IMMP2L: variants seen among roughly 807,000 people sequenced by gnomAD.
The protein encoded by IMMP2L is inner mitochondrial membrane peptidase subunit 2.
In IMMP2L, 18 loss-of-function variants were observed where a neutral mutation model predicts 19.3. The ratio of observed to expected loss-of-function variants is 0.93; its 90% CI spans 0.64 to 1.38. The LOEUF is 1.38. Among genes scored for constraint, IMMP2L ranks in the 40% most tolerant of loss-of-function variants. The pLI, the probability that IMMP2L is intolerant of heterozygous loss-of-function variation, is 0.00. For missense variants in IMMP2L, 233 were observed against 218.2 expected (o/e 1.07, Z -0.43); for synonymous variants, 76 against 73.0 (o/e 1.04, Z -0.21).
intron 4 of IMMP2L, among the ~76,000 whole-genome samples, chr7:110,917,757 T>C (rs1813781501): frequency 6.6e-6 from 1 of 152,194 alleles, no homozygotes; most frequent in African/African-American, 2.4e-5. Flanking sequence ...CATGTTAATG[T>C]ATTATCTACT....
chr7:111,229,709 G>A (rs535315700), intron 3 of IMMP2L, among the ~76,000 whole-genome samples: 94 of 152,006 alleles, frequency 6.2e-4, no homozygotes, highest in African/African-American at 2.0e-3. Context: ...AGGAATTATC[G>A]TATATATTAA....
intron 3 of IMMP2L, among the ~76,000 whole-genome samples, chr7:111,088,398 T>C (rs1394298990): frequency 6.6e-6 from 1 of 152,008 alleles, no homozygotes. Flanking sequence ...AATACTGTGG[T>C]TTACAATGTG....
intron 4 of IMMP2L, among the ~76,000 whole-genome samples, chr7:110,954,564 T>A (rs1253674279): frequency 6.6e-6 from 1 of 152,044 alleles, no homozygotes; most frequent in Non-Finnish European, 1.5e-5. Flanking sequence ...ATCCATTATT[T>A]CATATAATTC....
intron 5 of IMMP2L, among the ~76,000 whole-genome samples, chr7:110,800,399 T>C (rs1364360605): frequency 6.6e-6 from 1 of 152,034 alleles, no homozygotes; most frequent in Non-Finnish European, 1.5e-5. Flanking sequence ...TTTTCAGGGT[T>C]TTCCATGAAT....
chr7:111,439,140 T>C (rs1236009045), intron 3 of IMMP2L, among the ~76,000 whole-genome samples: 1 of 151,910 alleles, frequency 6.6e-6, no homozygotes, highest in African/African-American at 2.4e-5. Context: ...AGCTATCCTC[T>C]GGAAATGCTT....
At chr7:111,078,473 G>A (rs1295759887) in intron 3 of IMMP2L, among the ~76,000 whole-genome samples, 2 of 152,022 alleles carry the variant, frequency 1.3e-5, no homozygotes, top group Non-Finnish European at 2.9e-5. Flanking sequence ...GGAAACAAAC[G>A]TCCAATATTT....
At chr7:110,763,632 A>G (rs753488574) in intron 5 of IMMP2L, among the ~76,000 whole-genome samples, 18 of 152,150 alleles carry the variant, frequency 1.2e-4, no homozygotes, top group Non-Finnish European at 2.1e-4. Context: ...AACCACTTAA[A>G]TCTTTATAAA....
At chr7:111,184,404 T>C (rs760848894) in intron 3 of IMMP2L, among the ~76,000 whole-genome samples, 3 of 152,074 alleles carry the variant, frequency 2.0e-5, no homozygotes, top group Non-Finnish European at 4.4e-5. Context: ...CCAAAGTACA[T>C]ATATATTGAT....
At chr7:111,424,288 G>A (rs1184262107) in intron 3 of IMMP2L, among the ~76,000 whole-genome samples, 1 of 151,820 alleles carries the variant, frequency 6.6e-6, no homozygotes, top group East Asian at 1.9e-4. Flanking sequence ...TAAGTAGCCA[G>A]GAAGGAAGGA....
rs540661046 is a variant in IMMP2L at position 110,818,788 on chromosome 7, T to G, written c.408+67805A>C. Among the ~76,000 whole-genome samples, 172 of 151,870 alleles carry G rather than the reference T, an allele frequency of 1.1e-3. 1 individual carries two copies. The highest frequency in any genetic ancestry group is 3.5e-3 in the African/African-American group (146 of 41,440). Reference sequence around the variant, plus strand: ...TGGAATACTATGCAGCCATAAAAAATGATGAGTTCATGTCCTTTGTAGGGA... The same window carrying G: ...TGGAATACTATGCAGCCATAAAAAAGGATGAGTTCATGTCCTTTGTAGGGA... On this transcript the variant is annotated intron_variant, in intron 5 of 5. Transcript: ENST00000405709.
intron 3 of IMMP2L, among the ~76,000 whole-genome samples, chr7:111,113,849 C>T (rs1055425212): frequency 6.6e-6 from 1 of 152,088 alleles, no homozygotes; most frequent in Non-Finnish European, 1.5e-5. Context: ...AGTCATACTA[C>T]CACACTAACT....
Position 110,803,335 on chromosome 7 carries a change from TC to T in IMMP2L, c.408+83257del, listed in dbSNP as rs1404892836. Among the ~76,000 whole-genome samples, 1 of 152,018 alleles carries T rather than the reference TC, an allele frequency of 6.6e-6. No homozygotes were observed. The highest frequency in any genetic ancestry group is 1.9e-4 in the East Asian group (1 of 5,160). ...AGCCAGTTGATGTCCACTTTGAATA[TC>T]ATCAAACTGCAGAACCTGGACTCAA... On this transcript the variant is annotated intron_variant, in intron 5 of 5. Coordinates refer to ENST00000405709, the MANE Select transcript of IMMP2L (RefSeq NM_032549.4). This position sits in a 1 kb window ranked among gnomAD's most constrained non-coding sequence, Gnocchi z 4.2.
At chr7:111,446,894 G>T (rs868295633) in intron 3 of IMMP2L, among the ~76,000 whole-genome samples, 39 of 150,672 alleles carry the variant, frequency 2.6e-4, no homozygotes, top group Middle Eastern at 3.4e-3. Context: ...CAAGGCTCGA[G>T]AACTACGTGA....
chr7:111,052,994 G>C (rs571214803), intron 3 of IMMP2L, among the ~76,000 whole-genome samples: 3 of 152,118 alleles, frequency 2.0e-5, no homozygotes, highest in Non-Finnish European at 4.4e-5. Flanking sequence ...GAGTGTTAGC[G>C]GCAGCGAATC....
intron 3 of IMMP2L, among the ~76,000 whole-genome samples, chr7:110,977,142 T>A (rs546576252): frequency 6.6e-6 from 1 of 152,062 alleles, no homozygotes; most frequent in South Asian, 2.1e-4. Context: ...TTACGGTCAT[T>A]AATTCATTCA....
chr7:110,809,844 C>T (rs1035234473), intron 5 of IMMP2L, among the ~76,000 whole-genome samples: 1 of 151,994 alleles, frequency 6.6e-6, no homozygotes. Context: ...TGACACCAAA[C>T]CGAAAATAAT....
chr7:111,547,124 C>T (rs984325425), intron 1 of IMMP2L, among the ~76,000 whole-genome samples: 12 of 152,200 alleles, frequency 7.9e-5, no homozygotes, highest in African/African-American at 2.9e-4. Context: ...AAGAATTTTA[C>T]AAAGACCACT....
chr7:111,335,426 A>G (rs1481736585), intron 3 of IMMP2L, among the ~76,000 whole-genome samples: 2 of 152,132 alleles, frequency 1.3e-5, no homozygotes. Context: ...GGAAATATCT[A>G]CAGCACAAAG....
intron 3 of IMMP2L, among the ~76,000 whole-genome samples, chr7:111,264,898 G>A (rs942055944): frequency 3.9e-5 from 6 of 152,082 alleles, no homozygotes; most frequent in Non-Finnish European, 1.5e-5. Context: ...GGGAAAGGAC[G>A]CTGATATACT....
Sources: gnomAD v4.1 joint callset for allele counts (sites outside exome capture counted in the v4.1 genomes callset) on GRCh38, gnomAD v4.1.1 for gene constraint, Gnocchi (gnomAD v3.1) non-coding constraint, MANE v1.5 for transcripts, NCBI Gene and HGNC (gene_info 2026-07-23, HGNC 2026-07-21) for gene names.